The following PIK3AP1 variants were observed in gnomAD, a reference collection of about 807,000 sequenced individuals.
PIK3AP1 encodes phosphoinositide 3-kinase adapter protein 1.
A neutral mutation model predicts 88.1 loss-of-function variants in PIK3AP1; 21 were observed. The ratio of observed to expected loss-of-function variants is 0.24; its 90% CI spans 0.17 to 0.34. The LOEUF is 0.34. PIK3AP1 is among the 10% of genes least tolerant of loss of function. The pLI is 1.00. For missense variants in PIK3AP1, 828 were observed against 1,035.7 expected (o/e 0.80, Z 2.75); for synonymous variants, 398 against 400.0 (o/e 1.00, Z 0.06).
chr10:96,674,042 G>T (rs904514644), intron 2 of PIK3AP1, among the ~76,000 whole-genome samples: 1 of 152,140 alleles, frequency 6.6e-6, no homozygotes, highest in Non-Finnish European at 1.5e-5. Context: ...TTGTGGCTTG[G>T]TCAAGGCTGG....
chr10:96,717,656 G>A (rs1844520097), intron 1 of PIK3AP1, among the ~76,000 whole-genome samples: 1 of 152,180 alleles, frequency 6.6e-6, no homozygotes, highest in South Asian at 2.1e-4. Flanking sequence ...GAGAGAGGGG[G>A]CAAGAGACGG....
In PIK3AP1 at chr10:96,609,751, G is replaced by A; in HGVS notation, c.2131C>T (p.Arg711Ter). The A allele has an allele frequency of 6.2e-7, 1 of 1,614,018 alleles. No homozygotes were observed. Among genetic ancestry groups the A allele is most frequent in the Non-Finnish European group, 8.5e-7 (1 of 1,179,964 alleles). ...GTGCTGTCTGTTTTCCAGTCTCCTC[G>A]TCTCAGCTCCGTCCTAGGGGGAATG... Reference protein sequence around the residue: ...SVIPPRTELRRGDWKTDSTSS... With the variant: ...SVIPPRTELR Residue 711 changes from arginine to a stop codon, truncating the protein, a stop_gained, in exon 14 of 17, where the codon CGA becomes TGA. Coordinates refer to ENST00000339364, the MANE Select transcript of PIK3AP1 (RefSeq NM_152309.3). LOFTEE classifies it high-confidence loss of function.
rs757469769 is a variant in PIK3AP1, at chr10:96,709,559, A to C, written c.430+8T>G. Reference sequence around the variant, plus strand: ...TAGGGCTTGCTTATCTTTAGAAGAAATCCTTACCTTCGGAAATGGCTTTTT... The same window carrying C: ...TAGGGCTTGCTTATCTTTAGAAGAACTCCTTACCTTCGGAAATGGCTTTTT... On this transcript the variant is annotated splice_region_variant and intron_variant, in intron 2 of 16. Transcript: ENST00000339364. 4 of 1,596,238 alleles carry C rather than the reference A, an allele frequency of 2.5e-6. No individual in the cohort carries two copies. In the South Asian group the frequency reaches 4.5e-5, roughly 18 times the overall value.
At chr10:96,706,834 G>A (rs1237740222) in intron 2 of PIK3AP1, among the ~76,000 whole-genome samples, 5 of 152,174 alleles carry the variant, frequency 3.3e-5, no homozygotes, top group Non-Finnish European at 7.3e-5. Context: ...CAAGGGCCAT[G>A]GCTATGGAAT....
chr10:96,638,903 T>C (rs1030445283), intron 8 of PIK3AP1, among the ~76,000 whole-genome samples: 5 of 152,164 alleles, frequency 3.3e-5, no homozygotes, highest in Non-Finnish European at 7.3e-5. Flanking sequence ...TGACTCATCA[T>C]CACCTGGCAC....
chr10:96,708,468 G>C (rs184372168), intron 2 of PIK3AP1, among the ~76,000 whole-genome samples: 4 of 151,318 alleles, frequency 2.6e-5, no homozygotes, highest in African/African-American at 9.7e-5. Flanking sequence ...CCAGCTACTC[G>C]GGAGGCTGAG....
chr10:96,608,382 G>C (rs1849039624), intron 14 of PIK3AP1, among the ~76,000 whole-genome samples: 1 of 152,154 alleles, frequency 6.6e-6, no homozygotes, highest in South Asian at 2.1e-4. Context: ...CCCCCAGTGG[G>C]CTTTGCATAC....
At chr10:96,651,033 C>T (rs765694399) in intron 6 of PIK3AP1, among the ~76,000 whole-genome samples, 2 of 152,332 alleles carry the variant, frequency 1.3e-5, no homozygotes, top group South Asian at 4.1e-4. Context: ...CGTAAGCCAC[C>T]ACATGTGTTT....
intron 10 of PIK3AP1, 89 bp downstream of exon 10, chr10:96,626,619 A>G: frequency 7.3e-7 from 1 of 1,371,120 alleles, no homozygotes; most frequent in Non-Finnish European, 1.0e-6. Flanking sequence ...ATAGTCTCTG[A>G]GCAATGGTTC....
In PIK3AP1 at chr10:96,623,496, C is replaced by A. The variant is rs751645271; in HGVS notation, c.1711G>T (p.Val571Phe). 1.2e-6 allele frequency: 2 copies of A among 1,611,950 alleles called. No homozygotes were observed. Among genetic ancestry groups the A allele is most frequent in the Non-Finnish European group, 1.7e-6 (2 of 1,178,422 alleles). Residue 571 changes from valine (V) to phenylalanine (F), a missense_variant, in exon 11 of 17, where the codon GTT becomes TTT. Physicochemically the swap from Val to Phe is conservative, Grantham distance 50. Around this residue, in one of 3 missense-constraint regions of PIK3AP1, gnomAD observed 610 missense variants for 760.1 expected, o/e 0.80. Coordinates refer to ENST00000339364, the MANE Select transcript of PIK3AP1 (RefSeq NM_152309.3). ...CCTTTCCTGATGCTCTCTGAGGAAA[C>A]GTAGAAATTCCCAGGCCGCTCTTGA... ...KSQERPGNFY[V>F]SSESIRKGPP...
chr10:96,652,179 G>C (rs534083361), intron 4 of PIK3AP1, among the ~76,000 whole-genome samples: 90 of 152,204 alleles, frequency 5.9e-4, no homozygotes, highest in Non-Finnish European at 1.1e-3. Flanking sequence ...CAACCACAGA[G>C]ATTCACAAAA....
At chr10:96,673,707 G>GGATCAGGTCTA (rs1225990491) in intron 2 of PIK3AP1, among the ~76,000 whole-genome samples, 25 of 152,144 alleles carry the variant, frequency 1.6e-4, no homozygotes, top group South Asian at 4.1e-4. Context: ...ACTGGTGTGA[G>GGATCAGGTCTA]GACGGACAAA....
At chr10:96,620,657 C>A in intron 11 of PIK3AP1, 100 bp from the exon 12 acceptor site, 2 of 1,004,524 alleles carry the variant, frequency 2.0e-6, no homozygotes, top group Non-Finnish European at 3.0e-6. Context: ...CAAGAGGACT[C>A]TTCTCAAAAG....
chr10:96,628,918 A>ATATATATT (rs1554955405), intron 8 of PIK3AP1, among the ~76,000 whole-genome samples: 114 of 122,504 alleles, frequency 9.3e-4, no homozygotes, highest in African/African-American at 3.4e-3. Context: ...GTGTATATAT[A>ATATATATT]TATATATATA....
At chr10:96,714,463 C>T (rs1028964780) in intron 1 of PIK3AP1, among the ~76,000 whole-genome samples, 1 of 152,186 alleles carries the variant, frequency 6.6e-6, no homozygotes, top group African/African-American at 2.4e-5. Flanking sequence ...CTCTAAGTTG[C>T]ACCCAATTTA....
At chr10:96,683,080 C>T (rs1423002870) in intron 2 of PIK3AP1, among the ~76,000 whole-genome samples, 1 of 152,118 alleles carries the variant, frequency 6.6e-6, no homozygotes, top group East Asian at 1.9e-4. Context: ...TTGTCACAAC[C>T]AAAACTTAAA....
chr10:96,709,543 C>T, intron 2 of PIK3AP1, 24 bp downstream of exon 2: 1 of 1,574,172 alleles, frequency 6.4e-7, no homozygotes, highest in Non-Finnish European at 8.6e-7. Flanking sequence ...CTAGGGCTTG[C>T]TTATCTTTAG....
At position 96,609,801 on chromosome 10, in the gene PIK3AP1, T is replaced by G. The variant is rs1242856270; in HGVS notation, c.2081A>C (p.Tyr694Ser). Residue 694 changes from tyrosine to serine, a missense_variant, in exon 14 of 17, where the codon TAT (tyrosine) becomes TCT (serine). Physicochemically the swap from Tyr to Ser is moderately radical, Grantham distance 144 (BLOSUM62 -2). This residue lies in a region of PIK3AP1 where 191 missense variants were observed against 208.6 expected (regional missense o/e 0.92). Coordinates refer to ENST00000339364, the MANE Select transcript of PIK3AP1 (RefSeq NM_152309.3). ...GACACTTTTCCTGGGGCCACTCTCA[T>G]AGACTCCAAACTCCACTTTTGCAGG... Reference protein sequence around the residue: ...HLPAKVEFGVYESGPRKSVIP... With the variant: ...HLPAKVEFGVSESGPRKSVIP... The G allele has an allele frequency of 1.2e-6, 2 of 1,613,982 alleles. No individual in the cohort carries two copies. The highest frequency in any genetic ancestry group is 1.7e-6 in the Non-Finnish European group (2 of 1,179,964).
chr10:96,602,898 G>C (rs1282921440), intron 15 of PIK3AP1, among the ~76,000 whole-genome samples: 1 of 152,226 alleles, frequency 6.6e-6, no homozygotes, highest in Non-Finnish European at 1.5e-5. Context: ...TGGAGAAGCA[G>C]AAGGCAGAGG....
Sources: gnomAD v4.1 joint callset for allele counts (sites outside exome capture counted in the v4.1 genomes callset) on GRCh38, gnomAD v4.1.1 for gene constraint, gnomAD v4.1.1 regional missense constraint, MANE v1.5 for transcripts, NCBI Gene and HGNC (gene_info 2026-07-23, HGNC 2026-07-21) for gene names.